Variants in PTPRG observed in about 807,000 individuals in gnomAD.
The protein encoded by PTPRG is protein tyrosine phosphatase receptor type G, also known as receptor-type tyrosine-protein phosphatase gamma.
Under a neutral mutation model 165.3 loss-of-function variants are expected in PTPRG, and 102 were observed. The observed-to-expected ratio is 0.62, with a 90% CI of 0.53 to 0.73. PTPRG has a LOEUF of 0.73. Ranked by LOEUF, PTPRG falls within the 30% of genes least tolerant of loss-of-function variation. The pLI is 0.00. For missense variants in PTPRG, 1,866 were observed against 1,861.4 expected, an observed-to-expected ratio of 1.00 and a Z score of -0.05; for synonymous variants, 675 against 669.5, an observed-to-expected ratio of 1.01 and a Z score of -0.13.
chr3:61,997,997 A>T (rs1257675250), intron 3 of PTPRG, among the ~76,000 whole-genome samples: 1 of 152,104 alleles, frequency 6.6e-6, no homozygotes, highest in African/African-American at 2.4e-5. Context: ...TCAGGGTAGG[A>T]GGATATGATA....
At chr3:61,783,680 A>G (rs1007309939) in intron 2 of PTPRG, among the ~76,000 whole-genome samples, 4 of 152,158 alleles carry the variant, frequency 2.6e-5, no homozygotes, top group Non-Finnish European at 1.5e-5. Context: ...TGTTTGGTGC[A>G]GTAGAGAAAG....
intron 2 of PTPRG, among the ~76,000 whole-genome samples, chr3:61,968,117 A>C (rs572337670): frequency 6.6e-6 from 1 of 152,324 alleles, no homozygotes; most frequent in Admixed American, 6.5e-5. Flanking sequence ...ACATTAAGCT[A>C]AATGGATGAT....
At chr3:61,567,877 C>A (rs1055316775) in intron 1 of PTPRG, among the ~76,000 whole-genome samples, 1 of 146,696 alleles carries the variant, frequency 6.8e-6, no homozygotes, top group Non-Finnish European at 1.5e-5. Context: ...CCAGCTACTC[C>A]AGAGGTGGAG....
chr3:61,618,939 C>T (rs567581388), intron 1 of PTPRG, among the ~76,000 whole-genome samples: 2 of 133,068 alleles, frequency 1.5e-5, no homozygotes, highest in South Asian at 2.4e-4. Flanking sequence ...CCCAGGAGTT[C>T]GAGACCAGCC....
intron 2 of PTPRG, among the ~76,000 whole-genome samples, chr3:61,895,409 A>T (rs1308426861): frequency 6.6e-6 from 1 of 151,984 alleles, no homozygotes; most frequent in Non-Finnish European, 1.5e-5. Context: ...TTGTCTTTTT[A>T]TTTTTTCTTA....
At chr3:61,791,805 T>C (rs1017515329) in intron 2 of PTPRG, among the ~76,000 whole-genome samples, 1 of 152,228 alleles carries the variant, frequency 6.6e-6, no homozygotes, top group East Asian at 1.9e-4. Flanking sequence ...AATAAACTTA[T>C]AATATTTATT....
chr3:61,752,548 T>C (rs2033472958), intron 2 of PTPRG, among the ~76,000 whole-genome samples: 1 of 151,948 alleles, frequency 6.6e-6, no homozygotes, highest in South Asian at 2.1e-4. Flanking sequence ...ATCCCAGCAC[T>C]TTGGGAGGCC....
chr3:61,865,231 G>A (rs192956117), intron 2 of PTPRG, among the ~76,000 whole-genome samples: 1 of 152,202 alleles, frequency 6.6e-6, no homozygotes, highest in Admixed American at 6.5e-5. Context: ...GTCACTCCTT[G>A]CTCTCAACTC....
intron 1 of PTPRG, among the ~76,000 whole-genome samples, chr3:61,716,651 C>T (rs2031821291): frequency 6.6e-6 from 1 of 152,082 alleles, no homozygotes; most frequent in Non-Finnish European, 1.5e-5. Context: ...CTTAAACTAC[C>T]TGGTAAAAAT....
chr3:61,843,165 A>G (rs1350296514), intron 2 of PTPRG, among the ~76,000 whole-genome samples: 1 of 152,214 alleles, frequency 6.6e-6, no homozygotes. Flanking sequence ...TTGATAAGCC[A>G]CAATCCCACC....
At chr3:61,945,341 C>T (rs2107613584) in intron 2 of PTPRG, among the ~76,000 whole-genome samples, 1 of 152,116 alleles carries the variant, frequency 6.6e-6, no homozygotes, top group East Asian at 1.9e-4. Context: ...GGGCGGATCA[C>T]CTGAGGTCAG....
intron 6 of PTPRG, among the ~76,000 whole-genome samples, chr3:62,153,922 C>G (rs1010486059): frequency 6.6e-6 from 1 of 152,134 alleles, no homozygotes; most frequent in African/African-American, 2.4e-5. Context: ...CAGTTTTCAG[C>G]CCTGAATGAT....
intron 3 of PTPRG, among the ~76,000 whole-genome samples, chr3:61,995,971 A>G (rs1308685728): frequency 6.6e-6 from 1 of 151,728 alleles, no homozygotes; most frequent in African/African-American, 2.4e-5. Context: ...GTCTTCTTGC[A>G]TTTGCCTCCG....
At chr3:62,196,802 T>C (rs930808770) in intron 10 of PTPRG, among the ~76,000 whole-genome samples, 1 of 152,186 alleles carries the variant, frequency 6.6e-6, no homozygotes, top group Non-Finnish European at 1.5e-5. Flanking sequence ...GAGTTACAAA[T>C]CTGATGAAGG....
chr3:61,802,991 C>T (rs551961833), intron 2 of PTPRG, among the ~76,000 whole-genome samples: 2 of 152,314 alleles, frequency 1.3e-5, no homozygotes, highest in South Asian at 4.1e-4. Flanking sequence ...GGTAGGCAAA[C>T]TAGGGCACAC....
At chr3:62,183,136 G>A (rs777904805) in intron 8 of PTPRG, among the ~76,000 whole-genome samples, 9 of 152,172 alleles carry the variant, frequency 5.9e-5, no homozygotes, top group Non-Finnish European at 8.8e-5. Flanking sequence ...CTTAGATCTA[G>A]GTCTCTAAAA....
In PTPRG at chr3:62,045,829, A is replaced by G. The variant is rs139547747; in HGVS notation, c.520-32334A>G. On this transcript the variant is annotated intron_variant, in intron 4 of 29. Coordinates refer to ENST00000474889, the MANE Select transcript of PTPRG (RefSeq NM_002841.4). ...TTATCTTTTGTAATGCAAGCTTTGC[A>G]TTAATTCATAAACATATTTGAAGTG... is the stretch of plus-strand genomic sequence containing the variant. 3.4e-4 allele frequency among the ~76,000 whole-genome samples: 52 copies of G among 152,344 alleles called. 1 individual carries two copies. Among genetic ancestry groups the G allele is most frequent in the African/African-American group, 1.2e-3 (49 of 41,582 alleles).
In PTPRG at chr3:61,966,346, G is replaced by A. The variant is rs571080576; in HGVS notation, c.191-23279G>A. Among the ~76,000 whole-genome samples the A allele has an allele frequency of 4.6e-5, 7 of 152,300 alleles. No individual in the cohort carries two copies. The East Asian group carries it at 1.4e-3, about 29-fold the overall frequency. On this transcript the variant is annotated intron_variant, in intron 2 of 29. Transcript: ENST00000474889. ...AGATGAGACATTACTTGAGACACCT[G>A]AGATGTGGCTGTGAGTGAGTTATCC...
chr3:61,913,091 A>T (rs2038842073), intron 2 of PTPRG, among the ~76,000 whole-genome samples: 1 of 152,230 alleles, frequency 6.6e-6, no homozygotes. Flanking sequence ...TTCAGGGGAT[A>T]CATGTGCAGT....
Sources: gnomAD v4.1 joint callset for allele counts (sites outside exome capture counted in the v4.1 genomes callset) on GRCh38, gnomAD v4.1.1 for gene constraint, MANE v1.5 for transcripts, NCBI Gene and HGNC (gene_info 2026-07-23, HGNC 2026-07-21) for gene names.